Variants in USP13 observed in about 807,000 individuals in gnomAD.
USP13 encodes ubiquitin specific peptidase 13.
USP13 carries 68 observed loss-of-function variants against 107.8 expected under a neutral mutation model. That is an observed-to-expected ratio of 0.63 (90% CI 0.52 to 0.77). The LOEUF is 0.77. Ranked by LOEUF, USP13 falls within the 30% of genes least tolerant of loss-of-function variation. The pLI is 0.00. For missense variants in USP13, 945 were observed against 1,093.3 expected (o/e 0.86, Z 1.91); for synonymous variants, 377 against 389.5 (o/e 0.97, Z 0.38).
At position 179,721,552 on chromosome 3, in the gene USP13, A is replaced by G. The variant is rs1405690475; in HGVS notation, c.1051A>G (p.Met351Val). 2 of 1,613,978 alleles carry G rather than the reference A, an allele frequency of 1.2e-6. No individual in the cohort carries two copies. The highest frequency in any genetic ancestry group is 1.7e-6 in the Non-Finnish European group (2 of 1,180,038). Residue 351 changes from methionine to valine, a missense_variant, in exon 8 of 21, where the codon ATG becomes GTG. Met to Val is a conservative substitution (Grantham distance 21, BLOSUM62 1). Coordinates refer to ENST00000263966, the MANE Select transcript of USP13 (RefSeq NM_003940.3). This position sits in a 1 kb window ranked among gnomAD's most constrained non-coding sequence, Gnocchi z 4.3. Reference sequence around the variant, plus strand: ...CAACAGCTGCTATCTCAGCTCTGTCATGCAGGCCATCTTCAGCATCCCAGA... The same window carrying G: ...CAACAGCTGCTATCTCAGCTCTGTCGTGCAGGCCATCTTCAGCATCCCAGA... ...LGNSCYLSSV[M>V]QAIFSIPEFQ...
At chr3:179,730,103 A>C in intron 8 of USP13, 86 bp from the exon 9 acceptor site, 2 of 1,240,420 alleles carry the variant, frequency 1.6e-6, no homozygotes, top group Non-Finnish European at 2.3e-6. Flanking sequence ...AGGGGCAAGA[A>C]GGTCTTAGCA....
intron 1 of USP13, among the ~76,000 whole-genome samples, chr3:179,666,676 A>G (rs188149270): frequency 5.0e-4 from 76 of 152,312 alleles, no homozygotes; most frequent in Non-Finnish European, 1.0e-4. Context: ...TGCCTGGCAC[A>G]GGCTGCTTAC....
rs576779975 is a variant in USP13, at chr3:179,784,202, AAAG to A, written c.*74_*76del. 1.4e-3 allele frequency: 1,826 copies of A among 1,320,990 alleles called. 6 individuals are homozygous for A. In the South Asian group the frequency reaches 0.015, roughly 11 times the overall value. The allele number at this position is 1,320,990 out of a possible 1,614,324, so 81.8% of individuals were successfully genotyped here. A position where few individuals can be genotyped will look rare whatever the true frequency, so the allele number is the denominator to read the frequency against. ...CGCCTTTTTAATTTGCCAAAAAAAA[AAAG>A]AAGAAGAAGAAGTTGAAACAACTAG... On this transcript the variant is annotated 3_prime_UTR_variant, in exon 21 of 21. Transcript: ENST00000263966.
At chr3:179,679,815 T>G (rs991311547) in intron 1 of USP13, among the ~76,000 whole-genome samples, 1 of 133,946 alleles carries the variant, frequency 7.5e-6, no homozygotes, top group Non-Finnish European at 1.6e-5. Flanking sequence ...TTTTTTTTTT[T>G]TTTTTTGATA....
chr3:179,780,532 T>C (rs1715709218), intron 19 of USP13, among the ~76,000 whole-genome samples: 1 of 151,980 alleles, frequency 6.6e-6, no homozygotes, highest in Admixed American at 6.6e-5. Flanking sequence ...AGAGTCTGGA[T>C]AGGGGGGGAA....
intron 4 of USP13, among the ~76,000 whole-genome samples, chr3:179,703,962 G>A (rs926107371): frequency 5.9e-5 from 9 of 152,182 alleles, no homozygotes; most frequent in Non-Finnish European, 1.2e-4. Context: ...TTATGAGCCA[G>A]TTTGAGCCAG....
At chr3:179,673,528 G>A (rs1347109970) in intron 1 of USP13, among the ~76,000 whole-genome samples, 1 of 152,176 alleles carries the variant, frequency 6.6e-6, no homozygotes, top group Non-Finnish European at 1.5e-5. Context: ...AGGAAGCCTG[G>A]GTTTCTCATA....
intron 3 of USP13, among the ~76,000 whole-genome samples, chr3:179,694,799 C>CAAAAA (rs576517737): frequency 9.7e-5 from 8 of 82,088 alleles, no homozygotes; most frequent in South Asian, 4.7e-4. Flanking sequence ...AACTCCATCT[C>CAAAAA]AAAAAAAAAA....
At chr3:179,714,870 C>CT (rs34976120) in intron 6 of USP13, among the ~76,000 whole-genome samples, 90,279 of 137,216 alleles carry the variant, frequency 0.66, 30,655 homozygotes, top group Non-Finnish European at 0.74. Context: ...TTTCCTTTTT[C>CT]TTTTTTTTTT....
chr3:179,758,289 C>T (rs1230515503), intron 16 of USP13, among the ~76,000 whole-genome samples: 1 of 152,048 alleles, frequency 6.6e-6, no homozygotes, highest in Non-Finnish European at 1.5e-5. Flanking sequence ...GGAGAGCTGG[C>T]CTGCAGGATC....
At chr3:179,697,368 T>C (rs562079971) in intron 3 of USP13, among the ~76,000 whole-genome samples, 9 of 152,262 alleles carry the variant, frequency 5.9e-5, no homozygotes, top group African/African-American at 2.2e-4. Flanking sequence ...CCTCCAACAA[T>C]TAAAGTTAAT....
chr3:179,657,932 C>T (rs1386357956), intron 1 of USP13, among the ~76,000 whole-genome samples: 2 of 151,992 alleles, frequency 1.3e-5, no homozygotes, highest in Non-Finnish European at 2.9e-5. Flanking sequence ...ATGGAAATCT[C>T]CTCTCATCTC....
intron 1 of USP13, among the ~76,000 whole-genome samples, chr3:179,666,154 G>A (rs1398859838): frequency 1.3e-5 from 2 of 152,196 alleles, no homozygotes; most frequent in Non-Finnish European, 2.9e-5. Context: ...TGTGAAAGAG[G>A]TTGGTCTTGA....
chr3:179,727,012 C>T (rs1436620520), intron 8 of USP13, among the ~76,000 whole-genome samples: 2 of 151,770 alleles, frequency 1.3e-5, no homozygotes, highest in Admixed American at 1.3e-4. Flanking sequence ...TTTCTCACCT[C>T]TCAAATGAGG....
chr3:179,690,522 T>TA lies in USP13; in HGVS notation c.355+222dup, dbSNP rs1232240141. On this transcript the variant is annotated intron_variant, in intron 3 of 20. Coordinates refer to ENST00000263966, the MANE Select transcript of USP13 (RefSeq NM_003940.3). ...TTTAGTGCTTTGAAGCAATTATACTTACAGTGACTTGAGAGTAATTATAAT... is the reference window on the plus strand; with the variant it reads ...TTTAGTGCTTTGAAGCAATTATACTTAACAGTGACTTGAGAGTAATTATAAT... 2.0e-5 allele frequency among the ~76,000 whole-genome samples: 3 copies of TA among 152,336 alleles called. No individual in the cohort carries two copies. In the East Asian group the frequency reaches 5.8e-4, roughly 29 times the overall value.
intron 2 of USP13, among the ~76,000 whole-genome samples, chr3:179,686,141 C>G (rs1041412851): frequency 1.3e-5 from 2 of 152,328 alleles, no homozygotes; most frequent in East Asian, 3.9e-4. Flanking sequence ...GTCCCACTCC[C>G]GTGAGTGGCC....
chr3:179,663,937 C>G (rs1239597879), intron 1 of USP13, among the ~76,000 whole-genome samples: 1 of 152,196 alleles, frequency 6.6e-6, no homozygotes, highest in Non-Finnish European at 1.5e-5. Context: ...CTCCCATCCT[C>G]AGAAGCTGAG....
intron 10 of USP13, among the ~76,000 whole-genome samples, chr3:179,732,206 G>T (rs1218985712): frequency 6.6e-6 from 1 of 152,336 alleles, no homozygotes; most frequent in South Asian, 2.1e-4. Flanking sequence ...AGGCTGGAAG[G>T]CTCCCATCTG....
At position 179,653,225 on chromosome 3, in the gene USP13, C is replaced by T; in HGVS notation, c.-1C>T. 2 of 1,536,610 alleles carry T rather than the reference C, an allele frequency of 1.3e-6. No homozygotes were observed. The highest frequency in any genetic ancestry group is 8.8e-7 in the Non-Finnish European group (1 of 1,141,978). On this transcript the variant is annotated 5_prime_UTR_variant, in exon 1 of 21. Transcript: ENST00000263966. This position sits in a 1 kb window ranked among gnomAD's most constrained non-coding sequence, Gnocchi z 4.0. ...GCTCGGCTCCGGTGCGCGCCGAGGCCATGCAGCGCCGGGGCGCCCTGTTCG... is the reference window on the plus strand; with the variant it reads ...GCTCGGCTCCGGTGCGCGCCGAGGCTATGCAGCGCCGGGGCGCCCTGTTCG...
Sources: gnomAD v4.1 joint callset for allele counts (sites outside exome capture counted in the v4.1 genomes callset) on GRCh38, gnomAD v4.1.1 for gene constraint, Gnocchi (gnomAD v3.1) non-coding constraint, MANE v1.5 for transcripts, NCBI Gene and HGNC (gene_info 2026-07-23, HGNC 2026-07-21) for gene names.